DOCK6: variants seen among roughly 807,000 people sequenced by gnomAD.
DOCK6 encodes the protein dedicator of cytokinesis protein 6.
A neutral mutation model predicts 230.3 loss-of-function variants in DOCK6; 167 were observed. The observed-to-expected ratio is 0.73, with a 90% CI of 0.64 to 0.82. The LOEUF is 0.82. Among genes scored for constraint, DOCK6 ranks in the 40% least tolerant of loss-of-function variants. DOCK6 has a pLI of 0.00. For missense variants in DOCK6, 2,598 were observed against 2,825.8 expected, an observed-to-expected ratio of 0.92 and a Z score of 1.83; for synonymous variants, 1,148 against 1,185.0, an observed-to-expected ratio of 0.97 and a Z score of 0.64.
chr19:11,214,652 G>A lies in DOCK6; in HGVS notation c.4107-3C>T, dbSNP rs777525906. ...CGTGTTCCATTTCATCCTTGGTCCT[G>A]GAAGGGGAAAGGAGGTCTTGGGGGC... On this transcript the variant is annotated splice_region_variant and splice_polypyrimidine_tract_variant and intron_variant, in intron 32 of 47. Coordinates refer to ENST00000294618, the MANE Select transcript of DOCK6 (RefSeq NM_020812.4). The A allele has an allele frequency of 1.9e-6, 3 of 1,613,204 alleles. No homozygotes were observed. The highest frequency in any genetic ancestry group is 1.7e-5 in the Admixed American group (1 of 59,928).
Position 11,200,967 on chromosome 19 carries a change from G to A in DOCK6, c.5774C>T (p.Pro1925Leu), listed in dbSNP as rs377350157. ...CACCATCTGTAGCATCTTAGCATCT[G>A]GTGGGTCCTGCTCGGTGGCAAAGGC... ...ELAFATEQDP[P>L]DAKMLQMVLQ... The change falls in exon 45 of 48, where the codon CCA becomes CTA. Residue 1925 changes from proline to leucine, a missense_variant. Physicochemically the swap from Pro to Leu is moderately conservative, Grantham distance 98. Transcript: ENST00000294618. The surrounding 1 kb of genome is among the most constrained non-coding windows in gnomAD (Gnocchi z 4.3). The A allele has an allele frequency of 3.1e-6, 5 of 1,613,842 alleles. No individual in the cohort carries two copies. The African/African-American group carries it at 6.7e-5, about 22-fold the overall frequency.
Position 11,212,058 on chromosome 19 carries a change from G to C in DOCK6, c.4585C>G (p.Leu1529Val). 2 of 1,611,166 alleles carry C rather than the reference G, an allele frequency of 1.2e-6. No individual in the cohort carries two copies. Among genetic ancestry groups the C allele is most frequent in the Non-Finnish European group, 1.7e-6 (2 of 1,179,128 alleles). The stretch of plus-strand genomic sequence containing the variant: ...TCAGCATAGGTGAGGATGGTTTTGA[G>C]TGAACGTCGCAGGTGCTCTTCACTG... ...NFSEEHLRRS[L>V]KTILTYAEED... is the part of the protein sequence containing the mutation. The change falls in exon 36 of 48, where the codon CTC becomes GTC. Residue 1529 changes from leucine to valine, a missense_variant. Leu to Val is a conservative substitution (Grantham distance 32). Coordinates refer to ENST00000294618, the MANE Select transcript of DOCK6 (RefSeq NM_020812.4).
intron 14 of DOCK6, chr19:11,240,083 T>G: frequency 6.5e-7 from 1 of 1,550,130 alleles, no homozygotes; most frequent in Non-Finnish European, 8.7e-7. Flanking sequence ...AGTCCTTAGG[T>G]ACACAAAGAT....
chr19:11,240,302 G>A (rs2079922744), intron 14 of DOCK6: 1 of 1,562,206 alleles, frequency 6.4e-7, no homozygotes, highest in Non-Finnish European at 8.6e-7. Context: ...TAAAGGTAAG[G>A]AGCTCCCCCA....
At chr19:11,253,040 G>T (rs2147879199) in intron 2 of DOCK6, 82 bp from the exon 3 acceptor site, 1 of 1,378,330 alleles carries the variant, frequency 7.3e-7, no homozygotes, top group South Asian at 1.4e-5. Context: ...GTGCGCGCTG[G>T]CTTCAAACTC....
At chr19:11,251,216 A>C in intron 5 of DOCK6, 130 bp from the exon 6 acceptor site, 1 of 915,538 alleles carries the variant, frequency 1.1e-6, no homozygotes, top group Non-Finnish European at 1.6e-6. Context: ...TCATCACTCT[A>C]AGGGTCACCT....
rs775573982 is a variant in DOCK6 at position 11,233,266 on chromosome 19, G to A, written c.2655C>T (p.Asn885=). 2 of 1,613,816 alleles carry A rather than the reference G, an allele frequency of 1.2e-6. No individual in the cohort carries two copies. Among genetic ancestry groups the A allele is most frequent in the African/African-American group, 2.7e-5 (2 of 74,914 alleles). The change falls in exon 22 of 48, where the codon AAC becomes AAT. Residue 885 remains asparagine (N), a synonymous_variant. Transcript: ENST00000294618. The stretch of plus-strand genomic sequence containing the variant: ...AGCCAGGGGCCACGGCGAGGTCAGG[G>A]TTGCTGCTGCTGATGCTCTTGGAAC... The part of the protein sequence containing the change: ...LARSKSISSS[N]PDLAVAPGSV...
chr19:11,243,097 C>T lies in DOCK6; in HGVS notation c.1442G>A (p.Arg481His), dbSNP rs778910172. ...DLFKFLADMRRPSSLLRRLRP... is the reference protein window; with the variant it reads ...DLFKFLADMRHPSSLLRRLRP... ...TAGTCGCCGCAGCAGGGACGACGGG[C>T]GCCTCATGTCAGCCAGGAACTTGAA... Residue 481 changes from arginine to histidine, a missense_variant, in exon 13 of 48, where the codon CGC becomes CAC. Arg to His is a conservative substitution (Grantham distance 29). Transcript: ENST00000294618. This position sits in a 1 kb window ranked among gnomAD's most constrained non-coding sequence, Gnocchi z 6.3. The T allele has an allele frequency of 4.0e-5, 65 of 1,613,846 alleles. No individual in the cohort carries two copies. Among genetic ancestry groups the T allele is most frequent in the Non-Finnish European group, 5.3e-5 (63 of 1,179,902 alleles).
intron 34 of DOCK6, 89 bp from the exon 35 acceptor site, chr19:11,213,417 G>A: frequency 6.6e-7 from 1 of 1,518,266 alleles, no homozygotes; most frequent in Non-Finnish European, 8.9e-7. Context: ...TGCTTGGGCA[G>A]GGGTTTGTGT....
chr19:11,229,134 GT>G, intron 22 of DOCK6, 99 bp from the exon 23 acceptor site: 1 of 1,330,114 alleles, frequency 7.5e-7, no homozygotes, highest in South Asian at 1.4e-5. Flanking sequence ...AGGGCTCGGG[GT>G]TAGTGCAGCA....
At chr19:11,218,042 G>C (rs2079522175) in intron 28 of DOCK6, among the ~76,000 whole-genome samples, 1 of 151,902 alleles carries the variant, frequency 6.6e-6, no homozygotes, top group Non-Finnish European at 1.5e-5. Context: ...AGTAGAGACG[G>C]GGTTTCACCA....
intron 34 of DOCK6, 146 bp from the exon 35 acceptor site, chr19:11,213,474 G>A: frequency 8.5e-7 from 1 of 1,182,420 alleles, no homozygotes; most frequent in Non-Finnish European, 1.2e-6. Flanking sequence ...TCAGACCTGG[G>A]TTTAAGCCCC....
intron 30 of DOCK6, chr19:11,216,187 G>A: frequency 3.6e-6 from 1 of 280,670 alleles, no homozygotes; most frequent in East Asian, 7.7e-5. Flanking sequence ...CACCTCCTGG[G>A]CTCAGGCAAT....
At chr19:11,208,625 G>A in intron 39 of DOCK6, 61 bp downstream of exon 39, 1 of 1,571,902 alleles carries the variant, frequency 6.4e-7, no homozygotes. Context: ...CTAGGAAGCA[G>A]ATCTGATGGC....
At position 11,201,839 on chromosome 19, in the gene DOCK6, T is replaced by G; in HGVS notation, c.5688+50A>C. ...TACCCTCCCCTCCCCTCCCAGGGTC[T>G]GATGTCCCCTCACCTCCCCACCCCC... On this transcript the variant is annotated intron_variant, in intron 44 of 47. Coordinates refer to ENST00000294618, the MANE Select transcript of DOCK6 (RefSeq NM_020812.4). This position sits in a 1 kb window ranked among gnomAD's most constrained non-coding sequence, Gnocchi z 4.3. 8.5e-7 allele frequency: 1 copy of G among 1,170,562 alleles called. No individual in the cohort carries two copies. The highest frequency in any genetic ancestry group is 1.2e-6 in the Non-Finnish European group (1 of 828,114). The allele number at this position is 1,170,562 out of a possible 1,614,324, so 72.5% of individuals were successfully genotyped here. A position where few individuals can be genotyped will look rare whatever the true frequency, so the allele number is the denominator to read the frequency against.
At chr19:11,246,280 T>C (rs954754148) in intron 7 of DOCK6, among the ~76,000 whole-genome samples, 1 of 151,910 alleles carries the variant, frequency 6.6e-6, no homozygotes, top group Non-Finnish European at 1.5e-5. Flanking sequence ...ATGTATTTAT[T>C]TATTATATAG....
intron 4 of DOCK6, 94 bp downstream of exon 4, chr19:11,252,388 G>A: frequency 6.3e-7 from 1 of 1,585,500 alleles, no homozygotes; most frequent in Admixed American, 1.7e-5. Flanking sequence ...CTCTTGCAGG[G>A]ACAATGGGCA....
rs559101152 is a variant in DOCK6, at chr19:11,199,508, C to T, written c.6133G>A (p.Ala2045Thr). ...NSLNRASFRK[A>T]DL ...TGGTCCTTGTGGGCTCAGAGGTCTGCCTTTCGGAAACTTGCTCTGTTCAAG... is the reference window on the plus strand; with the variant it reads ...TGGTCCTTGTGGGCTCAGAGGTCTGTCTTTCGGAAACTTGCTCTGTTCAAG... The change falls in exon 48 of 48, where the codon GCA becomes ACA. Residue 2045 changes from alanine to threonine, a missense_variant. Physicochemically the swap from Ala to Thr is moderately conservative, Grantham distance 58 (BLOSUM62 0). Transcript: ENST00000294618. The T allele has an allele frequency of 8.2e-6, 13 of 1,583,880 alleles. No homozygotes were observed. The South Asian group carries it at 1.4e-4, about 17-fold the overall frequency.
At position 11,236,716 on chromosome 19, in the gene DOCK6, T is replaced by C; in HGVS notation, c.2160+77A>G. 1 of 1,531,868 alleles carries C rather than the reference T, an allele frequency of 6.5e-7. No individual in the cohort carries two copies. The highest frequency in any genetic ancestry group is 8.8e-7 in the Non-Finnish European group (1 of 1,130,550). 94.9% of individuals were successfully genotyped at this position (1,531,868 alleles called of 1,614,324 possible). On this transcript the variant is annotated intron_variant, in intron 19 of 47. Coordinates refer to ENST00000294618, the MANE Select transcript of DOCK6 (RefSeq NM_020812.4). This position sits in a 1 kb window ranked among gnomAD's most constrained non-coding sequence, Gnocchi z 5.2. ...GCCTGAGGCCAGACCTCCCCGGCCA[T>C]CGGCAACTGTTACTCAATCGTAGGG...
Sources: gnomAD v4.1 joint callset for allele counts (sites outside exome capture counted in the v4.1 genomes callset) on GRCh38, gnomAD v4.1.1 for gene constraint, Gnocchi (gnomAD v3.1) non-coding constraint, MANE v1.5 for transcripts, NCBI Gene and HGNC (gene_info 2026-07-23, HGNC 2026-07-21) for gene names.